Variants in DGKH observed in about 807,000 individuals in gnomAD.
DGKH encodes the protein diacylglycerol kinase eta.
In DGKH, 90 loss-of-function variants were observed where a neutral mutation model predicts 159.3. That is an observed-to-expected ratio of 0.57 (90% CI 0.48 to 0.67). The LOEUF (loss-of-function observed/expected upper bound fraction) is 0.67. Among genes scored for constraint, DGKH ranks in the 30% least tolerant of loss-of-function variants. The pLI, the probability that DGKH is intolerant of heterozygous loss-of-function variation, is 0.00. For synonymous variants in DGKH, 536 were observed against 553.8 expected (o/e 0.97, Z 0.45); for missense variants, 1,181 against 1,506.1 (o/e 0.78, Z 3.57).
intron 20 of DGKH, among the ~76,000 whole-genome samples, chr13:42,201,150 G>A (rs1050731868): frequency 1.6e-4 from 24 of 151,948 alleles, no homozygotes; most frequent in African/African-American, 4.8e-4. Context: ...ACGCCACCAC[G>A]CCCAGCTAAT....
intron 1 of DGKH, among the ~76,000 whole-genome samples, chr13:42,095,697 T>C (rs1485253182): frequency 6.6e-6 from 1 of 152,232 alleles, no homozygotes; most frequent in East Asian, 1.9e-4. Flanking sequence ...TATATATCTA[T>C]GTGAATATAT....
At chr13:42,158,153 T>C (rs2137966317) in intron 5 of DGKH, among the ~76,000 whole-genome samples, 1 of 152,354 alleles carries the variant, frequency 6.6e-6, no homozygotes, top group East Asian at 1.9e-4. Flanking sequence ...AACATTTGGC[T>C]AAAGACATCT....
intron 20 of DGKH, among the ~76,000 whole-genome samples, chr13:42,204,712 A>G (rs1459530116): frequency 6.6e-6 from 1 of 152,198 alleles, no homozygotes; most frequent in African/African-American, 2.4e-5. Context: ...CAGCTGTAAC[A>G]ATTTCCAAGT....
At chr13:42,053,994 T>A (rs543809118) in intron 1 of DGKH, among the ~76,000 whole-genome samples, 1 of 152,322 alleles carries the variant, frequency 6.6e-6, no homozygotes, top group South Asian at 2.1e-4. Flanking sequence ...TAATTTAATA[T>A]GAAGGATGTA....
chr13:42,043,705 G>A (rs1880645703), upstream of DGKH: 1 of 152,150 alleles, frequency 6.6e-6, no homozygotes, highest in Non-Finnish European at 1.5e-5. Context: ...GAAAAGGAAT[G>A]TTCAATACTG....
chr13:42,076,045 C>T (rs927593467), intron 1 of DGKH, among the ~76,000 whole-genome samples: 2 of 152,030 alleles, frequency 1.3e-5, no homozygotes, highest in African/African-American at 4.8e-5. Flanking sequence ...GCGTGTAATC[C>T]TCTTATAGCC....
At chr13:42,042,168 G>C (rs1880553279) in intron 1 of DGKH, among the ~76,000 whole-genome samples, 1 of 152,166 alleles carries the variant, frequency 6.6e-6, no homozygotes, top group Non-Finnish European at 1.5e-5. Flanking sequence ...GGTTATCACA[G>C]GGGCTTAAGC....
intron 1 of DGKH, chr13:42,070,675 A>C (rs1041895521): frequency 6.2e-7 from 1 of 1,612,452 alleles, no homozygotes; most frequent in Admixed American, 1.7e-5. Flanking sequence ...AATATACTTG[A>C]GCCCCCGTAG....
chr13:42,111,225 T>G (rs920014906), intron 1 of DGKH, among the ~76,000 whole-genome samples: 1 of 152,144 alleles, frequency 6.6e-6, no homozygotes, highest in Non-Finnish European at 1.5e-5. Context: ...TTATAAGCCA[T>G]TGCAAGGGAC....
At chr13:42,123,504 T>C (rs1472601923) in intron 1 of DGKH, among the ~76,000 whole-genome samples, 2 of 151,028 alleles carry the variant, frequency 1.3e-5, no homozygotes, top group Non-Finnish European at 2.9e-5. Flanking sequence ...TTCATCAAAT[T>C]CAGGATCCTC....
intron 17 of DGKH, 137 bp from the exon 18 acceptor site, chr13:42,198,341 G>A (rs1957255908): frequency 1.6e-6 from 1 of 632,776 alleles, no homozygotes; most frequent in East Asian, 2.8e-5. Flanking sequence ...TCATTAATGA[G>A]AAGAGTAGGC....
At chr13:42,225,566 A>G (rs1224034234) in intron 29 of DGKH, among the ~76,000 whole-genome samples, 1 of 152,054 alleles carries the variant, frequency 6.6e-6, no homozygotes. Flanking sequence ...TGAGGTCAAG[A>G]GTTCAAGACC....
intron 1 of DGKH, among the ~76,000 whole-genome samples, chr13:42,095,763 A>AT (rs1954518065): frequency 6.6e-6 from 1 of 152,232 alleles, no homozygotes; most frequent in South Asian, 2.1e-4. Flanking sequence ...ATGGATAACT[A>AT]TTAGCCTAAT....
intron 30 of DGKH, chr13:42,255,792 G>A (rs1958652718): frequency 1.9e-6 from 1 of 521,040 alleles, no homozygotes; most frequent in African/African-American, 1.9e-5. Context: ...TATTTTCTCT[G>A]TCATTGGGTT....
At chr13:42,113,240 A>G (rs570425985) in intron 1 of DGKH, among the ~76,000 whole-genome samples, 144 of 152,232 alleles carry the variant, frequency 9.5e-4, no homozygotes, top group Non-Finnish European at 1.8e-3. Flanking sequence ...GCGTGGAAAA[A>G]GGAACAAAAG....
At chr13:42,254,299 T>C (rs921714620) in intron 30 of DGKH, among the ~76,000 whole-genome samples, 7 of 152,226 alleles carry the variant, frequency 4.6e-5, no homozygotes, top group African/African-American at 1.7e-4. Context: ...CAAATCATGA[T>C]GCATTTATTT....
intron 13 of DGKH, among the ~76,000 whole-genome samples, chr13:42,182,911 A>G (rs1956811205): frequency 6.6e-6 from 1 of 150,588 alleles, no homozygotes. Flanking sequence ...AGGTCTTTAA[A>G]AAAAAAAAAA....
At chr13:42,228,633 GA>G (rs1958201064) in intron 29 of DGKH, among the ~76,000 whole-genome samples, 1 of 142,422 alleles carries the variant, frequency 7.0e-6, no homozygotes, top group African/African-American at 2.7e-5. Context: ...AGAGAGAGAA[GA>G]AAAAGAAAGA....
intron 1 of DGKH, among the ~76,000 whole-genome samples, chr13:42,119,931 T>C (rs1955036038): frequency 6.6e-6 from 1 of 152,224 alleles, no homozygotes; most frequent in South Asian, 2.1e-4. Flanking sequence ...TTTTGAAGAA[T>C]AACTCTCTTA....
Sources: gnomAD v4.1 joint callset for allele counts (sites outside exome capture counted in the v4.1 genomes callset) on GRCh38, gnomAD v4.1.1 for gene constraint, MANE v1.5 for transcripts, NCBI Gene and HGNC (gene_info 2026-07-23, HGNC 2026-07-21) for gene names.